The following XRCC4 variants were observed in gnomAD, a reference collection of about 807,000 sequenced individuals.
XRCC4 encodes DNA repair protein XRCC4.
In XRCC4, 28 loss-of-function variants were observed where a neutral mutation model predicts 39.1. The observed-to-expected ratio is 0.72, with a 90% CI of 0.53 to 0.98. XRCC4 has a LOEUF of 0.98. Ranked by LOEUF, XRCC4 falls within the 50% of genes least tolerant of loss-of-function variation. The probability of loss-of-function intolerance (pLI) is 0.00; values close to 1 mark genes in which losing one functional copy is unlikely to be tolerated. For missense variants in XRCC4, 350 were observed against 376.4 expected, an observed-to-expected ratio of 0.93 and a Z score of 0.58; for synonymous variants, 123 against 126.4, an observed-to-expected ratio of 0.97 and a Z score of 0.18.
At chr5:83,259,239 A>G (rs564283245) in intron 7 of XRCC4, 1 of 153,338 alleles carries the variant, frequency 6.5e-6, no homozygotes, top group Non-Finnish European at 1.5e-5. Flanking sequence ...CAGCAAAACA[A>G]TGAGCATTTA....
chr5:83,282,292 A>G (rs185137472), intron 7 of XRCC4, among the ~76,000 whole-genome samples: 212 of 152,320 alleles, frequency 1.4e-3, no homozygotes, highest in African/African-American at 4.8e-3. Flanking sequence ...GAATGTACGC[A>G]AATAACTGAA....
chr5:83,338,953 C>G (rs2112193285), intron 7 of XRCC4, among the ~76,000 whole-genome samples: 1 of 152,178 alleles, frequency 6.6e-6, no homozygotes, highest in East Asian at 1.9e-4. Flanking sequence ...AATCATAATA[C>G]CATACATATT....
chr5:83,192,799 G>C (rs1224943073), intron 3 of XRCC4, among the ~76,000 whole-genome samples: 1 of 152,088 alleles, frequency 6.6e-6, no homozygotes, highest in African/African-American at 2.4e-5. Flanking sequence ...TAACAGAAGA[G>C]ACATGCTCTC....
At chr5:83,272,932 G>A (rs986889656) in intron 7 of XRCC4, among the ~76,000 whole-genome samples, 1 of 152,068 alleles carries the variant, frequency 6.6e-6, no homozygotes, top group Non-Finnish European at 1.5e-5. Context: ...AATCCTTTGG[G>A]GATATACCCA....
At chr5:83,262,992 C>T (rs1413075703) in intron 7 of XRCC4, among the ~76,000 whole-genome samples, 1 of 126,166 alleles carries the variant, frequency 7.9e-6, no homozygotes, top group Non-Finnish European at 1.7e-5. Context: ...ATCCCTCCCC[C>T]CCTCCCCCCA....
At chr5:83,106,861 T>C (rs1047763128) in intron 2 of XRCC4, among the ~76,000 whole-genome samples, 1 of 152,004 alleles carries the variant, frequency 6.6e-6, no homozygotes, top group Non-Finnish European at 1.5e-5. Context: ...GTCTCAAATA[T>C]ATAAAACTGG....
At chr5:83,096,654 C>G (rs1022975728) in intron 1 of XRCC4, among the ~76,000 whole-genome samples, 1 of 152,140 alleles carries the variant, frequency 6.6e-6, no homozygotes, top group African/African-American at 2.4e-5. Context: ...TGGATGGCTG[C>G]AGAATTCTTA....
At chr5:83,115,422 T>C (rs1165179587) in intron 3 of XRCC4, among the ~76,000 whole-genome samples, 2 of 150,708 alleles carry the variant, frequency 1.3e-5, no homozygotes, top group African/African-American at 2.4e-5. Flanking sequence ...TGTGAAACTC[T>C]GTCTCAAAAA....
At chr5:83,178,169 G>T (rs1267069011) in intron 3 of XRCC4, among the ~76,000 whole-genome samples, 4 of 152,102 alleles carry the variant, frequency 2.6e-5, no homozygotes, top group Non-Finnish European at 5.9e-5. Flanking sequence ...GGTTACTGGG[G>T]GTAAAGCAGG....
intron 7 of XRCC4, among the ~76,000 whole-genome samples, chr5:83,265,931 A>G (rs1753938664): frequency 6.6e-6 from 1 of 152,068 alleles, no homozygotes; most frequent in South Asian, 2.1e-4. Flanking sequence ...TAAATTTTAA[A>G]TTACTGACAG....
rs577022205 is a variant in XRCC4, at chr5:83,166,320, C to G, written c.316-29450C>G. ...CTTTATAATAGAAAGATTCATATTC[C>G]TTTGGGTATATACCTAGTAATGGAA... On this transcript the variant is annotated intron_variant, in intron 3 of 7. Coordinates refer to ENST00000396027, the MANE Select transcript of XRCC4 (RefSeq NM_003401.5). 1.4e-4 allele frequency among the ~76,000 whole-genome samples: 22 copies of G among 152,226 alleles called. No individual in the cohort carries two copies. The East Asian group carries it at 4.2e-3, about 29-fold the overall frequency.
chr5:83,222,090 A>G lies in XRCC4; in HGVS notation c.745+17169A>G, dbSNP rs554353401. On this transcript the variant is annotated intron_variant, in intron 6 of 7. Transcript: ENST00000396027. ...ATATCTGAGATCGGTCTTTGTGTCA[A>G]CATCATATAGTTGTTTTTTAAATCT... 1.3e-3 allele frequency among the ~76,000 whole-genome samples: 191 copies of G among 151,964 alleles called. 1 individual carries two copies. Among genetic ancestry groups the G allele is most frequent in the Non-Finnish European group, 2.3e-3 (155 of 67,912 alleles).
At chr5:83,131,335 G>C (rs1179080465) in intron 3 of XRCC4, among the ~76,000 whole-genome samples, 1 of 152,142 alleles carries the variant, frequency 6.6e-6, no homozygotes, top group Non-Finnish European at 1.5e-5. Flanking sequence ...ATGTGGTTCT[G>C]AGAAGAATGT....
chr5:83,151,667 T>C (rs1165478204), intron 3 of XRCC4, among the ~76,000 whole-genome samples: 1 of 152,152 alleles, frequency 6.6e-6, no homozygotes, highest in Non-Finnish European at 1.5e-5. Flanking sequence ...AATAAATGAA[T>C]AAATATCCAT....
intron 7 of XRCC4, among the ~76,000 whole-genome samples, chr5:83,278,515 C>T (rs1754414586): frequency 1.3e-5 from 2 of 152,292 alleles, no homozygotes; most frequent in South Asian, 4.1e-4. Flanking sequence ...TGAGGGCTTT[C>T]ATGCTGCATC....
chr5:83,264,147 G>A (rs190992395), intron 7 of XRCC4, among the ~76,000 whole-genome samples: 10 of 152,174 alleles, frequency 6.6e-5, no homozygotes, highest in East Asian at 3.9e-4. Context: ...TTGTTATGCC[G>A]GATGCTTACA....
chr5:83,259,615 T>G (rs1242352041), intron 7 of XRCC4, among the ~76,000 whole-genome samples: 1 of 152,102 alleles, frequency 6.6e-6, no homozygotes, highest in African/African-American at 2.4e-5. Flanking sequence ...ATCAAACAGG[T>G]TTGAAAAGTA....
At chr5:83,198,496 C>A (rs969256218) in intron 4 of XRCC4, among the ~76,000 whole-genome samples, 2 of 151,364 alleles carry the variant, frequency 1.3e-5, no homozygotes, top group Non-Finnish European at 2.9e-5. Flanking sequence ...CCATTGTTTG[C>A]AAAAAAATAT....
chr5:83,204,877 A>G lies in XRCC4; in HGVS notation c.701A>G (p.Asp234Gly). The change falls in exon 6 of 8, where the codon GAT becomes GGT. Residue 234 changes from aspartate to glycine, a missense_variant. Physicochemically the swap from Asp to Gly is moderately conservative, Grantham distance 94. Transcript: ENST00000396027. The stretch of plus-strand genomic sequence containing the variant: ...GATCCAGTCTATGATGAGAGTACTG[A>G]TGAGGAAAGTGAAAACCAAACTGAT... ...DRDPVYDEST[D>G]EESENQTDLS... 6.2e-7 allele frequency: 1 copy of G among 1,612,620 alleles called. No individual in the cohort carries two copies. The highest frequency in any genetic ancestry group is 8.5e-7 in the Non-Finnish European group (1 of 1,178,952).
Sources: allele counts gnomAD v4.1 joint callset (sites outside exome capture counted in the v4.1 genomes callset), GRCh38; gene constraint gnomAD v4.1.1; transcripts MANE v1.5; gene names NCBI Gene and HGNC (gene_info 2026-07-23, HGNC 2026-07-21).